The following GALNTL6 variants were observed in gnomAD, a reference collection of about 807,000 sequenced individuals.
GALNTL6 encodes polypeptide N-acetylgalactosaminyltransferase like 6.
Under a neutral mutation model 73.7 loss-of-function variants are expected in GALNTL6, and 46 were observed. The observed-to-expected ratio is 0.62, with a 90% CI of 0.49 to 0.80. The LOEUF (loss-of-function observed/expected upper bound fraction) is 0.80, where lower values mean the gene tolerates loss of function less well. GALNTL6 is among the 30% of genes least tolerant of loss of function. GALNTL6 has a pLI of 0.00. For synonymous variants in GALNTL6, 259 were observed against 263.7 expected, an observed-to-expected ratio of 0.98 and a Z score of 0.17; for missense variants, 604 against 755.0, an observed-to-expected ratio of 0.80 and a Z score of 2.34.
chr4:172,876,376 G>C (rs1332977132), intron 7 of GALNTL6, among the ~76,000 whole-genome samples: 1 of 152,072 alleles, frequency 6.6e-6, no homozygotes. Flanking sequence ...TAACTAGTTG[G>C]CCTTATTCCT....
intron 5 of GALNTL6, among the ~76,000 whole-genome samples, chr4:172,596,872 T>C (rs1241135583): frequency 6.6e-6 from 1 of 152,210 alleles, no homozygotes; most frequent in African/African-American, 2.4e-5. Flanking sequence ...ATGTAGAATT[T>C]TTTATTCACT....
chr4:172,592,149 G>C (rs1386008943), intron 5 of GALNTL6, among the ~76,000 whole-genome samples: 1 of 152,196 alleles, frequency 6.6e-6, no homozygotes, highest in Non-Finnish European at 1.5e-5. Context: ...CATGGTGCCA[G>C]CATCTGCTCA....
intron 5 of GALNTL6, among the ~76,000 whole-genome samples, chr4:172,356,728 T>C (rs1001530846): frequency 5.9e-5 from 9 of 152,300 alleles, no homozygotes; most frequent in African/African-American, 1.9e-4. Context: ...GGTACATTTG[T>C]AATATTTATA....
intron 5 of GALNTL6, among the ~76,000 whole-genome samples, chr4:172,482,110 C>T (rs1733507771): frequency 6.6e-6 from 1 of 152,198 alleles, no homozygotes; most frequent in South Asian, 2.1e-4. Flanking sequence ...CAGCTGCTGG[C>T]CCGGGTGCTA....
intron 6 of GALNTL6, among the ~76,000 whole-genome samples, chr4:172,811,215 CTGTT>C (rs1313302083): frequency 4.6e-5 from 7 of 152,118 alleles, no homozygotes; most frequent in Middle Eastern, 3.2e-3. Context: ...CCCATTAAGT[CTGTT>C]TGTTTGATCC....
chr4:172,134,103 G>A (rs1339605807), intron 2 of GALNTL6, among the ~76,000 whole-genome samples: 1 of 152,142 alleles, frequency 6.6e-6, no homozygotes, highest in African/African-American at 2.4e-5. Flanking sequence ...AGTAACAGTG[G>A]CCGGGCGCAA....
At chr4:172,872,039 C>G (rs377203177) in intron 7 of GALNTL6, among the ~76,000 whole-genome samples, 1 of 152,116 alleles carries the variant, frequency 6.6e-6, no homozygotes, top group African/African-American at 2.4e-5. Context: ...GTGATTCACC[C>G]TCCTCGGCCT....
intron 5 of GALNTL6, among the ~76,000 whole-genome samples, chr4:172,478,680 C>T (rs575828126): frequency 1.6e-4 from 25 of 151,974 alleles, no homozygotes; most frequent in African/African-American, 4.6e-4. Flanking sequence ...AAAAAGCTTC[C>T]GCACAGCAAA....
chr4:172,678,627 T>A (rs1579326214), intron 5 of GALNTL6, among the ~76,000 whole-genome samples: 1 of 152,342 alleles, frequency 6.6e-6, no homozygotes, highest in East Asian at 1.9e-4. Context: ...TATTTTACCA[T>A]CTTCTTTTCC....
At chr4:172,357,547 TA>T (rs1742201560) in intron 5 of GALNTL6, among the ~76,000 whole-genome samples, 1 of 151,996 alleles carries the variant, frequency 6.6e-6, no homozygotes, top group Admixed American at 6.6e-5. Flanking sequence ...ACACATCCTT[TA>T]TTTTCTCATC....
At chr4:171,978,686 C>T (rs187223791) in intron 2 of GALNTL6, among the ~76,000 whole-genome samples, 1 of 152,060 alleles carries the variant, frequency 6.6e-6, no homozygotes, top group Non-Finnish European at 1.5e-5. Flanking sequence ...AAATTAAGTC[C>T]TCAGTCTTTC....
chr4:172,367,783 A>G lies in GALNTL6; in HGVS notation c.553+19094A>G, dbSNP rs201622677. Among the ~76,000 whole-genome samples, 123 of 152,254 alleles carry G rather than the reference A, an allele frequency of 8.1e-4. 1 individual carries two copies. The South Asian group carries it at 0.016, about 20-fold the overall frequency. ...GTCCTCATGAATTAAGTTATACTATATAAAACTTACTGCACATGTTTTCTT... is the reference window on the plus strand; with the variant it reads ...GTCCTCATGAATTAAGTTATACTATGTAAAACTTACTGCACATGTTTTCTT... On this transcript the variant is annotated intron_variant, in intron 5 of 12. Transcript: ENST00000506823.
At chr4:172,149,845 C>G (rs554325375) in intron 2 of GALNTL6, among the ~76,000 whole-genome samples, 131 of 152,274 alleles carry the variant, frequency 8.6e-4, no homozygotes, top group Non-Finnish European at 1.6e-3. Flanking sequence ...CAAAATATCA[C>G]ACCATTGAGA....
chr4:172,423,628 T>C (rs1731126387), intron 5 of GALNTL6, among the ~76,000 whole-genome samples: 1 of 152,142 alleles, frequency 6.6e-6, no homozygotes. Context: ...ACTTACGTTT[T>C]AGTAATATTT....
intron 10 of GALNTL6, among the ~76,000 whole-genome samples, chr4:172,997,841 T>G (rs1561077494): frequency 6.6e-6 from 1 of 152,208 alleles, no homozygotes; most frequent in African/African-American, 2.4e-5. Flanking sequence ...TTTCTCATGT[T>G]CCCCATAAAT....
At chr4:172,202,594 G>A (rs1327332316) in intron 2 of GALNTL6, among the ~76,000 whole-genome samples, 1 of 151,988 alleles carries the variant, frequency 6.6e-6, no homozygotes, top group East Asian at 1.9e-4. Flanking sequence ...TTCATGTGGG[G>A]CATTATCCCC....
intron 2 of GALNTL6, among the ~76,000 whole-genome samples, chr4:171,886,254 G>C (rs1460026149): frequency 6.6e-6 from 1 of 152,026 alleles, no homozygotes; most frequent in Non-Finnish European, 1.5e-5. Flanking sequence ...AACAATTTTA[G>C]AACATGATAA....
At chr4:171,904,893 T>A (rs889572653) in intron 2 of GALNTL6, among the ~76,000 whole-genome samples, 3 of 152,072 alleles carry the variant, frequency 2.0e-5, no homozygotes, top group African/African-American at 7.2e-5. Context: ...CCAGCCAAAC[T>A]AAGCTTCATA....
chr4:172,922,386 G>T (rs1425462685), intron 8 of GALNTL6, among the ~76,000 whole-genome samples: 2 of 152,012 alleles, frequency 1.3e-5, no homozygotes, highest in African/African-American at 2.4e-5. Flanking sequence ...AACAAATATA[G>T]AATTTAATAC....
Sources: allele counts gnomAD v4.1 joint callset (sites outside exome capture counted in the v4.1 genomes callset), GRCh38; gene constraint gnomAD v4.1.1; transcripts MANE v1.5; gene names NCBI Gene and HGNC (gene_info 2026-07-23, HGNC 2026-07-21).